The following CLYBL variants were observed in gnomAD, a reference collection of about 807,000 sequenced individuals.
CLYBL encodes the protein citramalyl-CoA lyase, mitochondrial.
CLYBL carries 31 observed loss-of-function variants against 38.9 expected under a neutral mutation model. The observed-to-expected ratio is 0.80, with a 90% CI of 0.60 to 1.08. The LOEUF (loss-of-function observed/expected upper bound fraction) is 1.08, where lower values mean the gene tolerates loss of function less well. CLYBL is among the 50% of genes least tolerant of loss of function. CLYBL has a pLI of 0.00. For synonymous variants in CLYBL, 171 were observed against 158.6 expected (o/e 1.08, Z -0.59); for missense variants, 434 against 411.6 (o/e 1.05, Z -0.47).
chr13:99,853,447 G>T (rs2051380088), intron 2 of CLYBL, among the ~76,000 whole-genome samples: 1 of 152,190 alleles, frequency 6.6e-6, no homozygotes. Context: ...GTAACGCTTT[G>T]TAAGATGAAT....
intron 1 of CLYBL, among the ~76,000 whole-genome samples, chr13:99,666,005 T>C (rs1040953516): frequency 6.6e-6 from 1 of 152,174 alleles, no homozygotes; most frequent in Non-Finnish European, 1.5e-5. Context: ...TTCCAAGATA[T>C]GTCTGGGGAG....
At chr13:99,871,177 G>A (rs1367850748) in intron 7 of CLYBL, 115 bp downstream of exon 7, 7 of 1,168,544 alleles carry the variant, frequency 6.0e-6, no homozygotes, top group Non-Finnish European at 8.8e-6. Flanking sequence ...TGGAGAGGGG[G>A]GAAAGGGAGG....
chr13:99,608,240 TTTTTGTATTTTTAATAGAGACGAGG>T (rs1175333736), intron 1 of CLYBL, among the ~76,000 whole-genome samples: 13 of 151,610 alleles, frequency 8.6e-5, no homozygotes, highest in Admixed American at 1.3e-4. Flanking sequence ...GCCCGGCTAA[TTTTTGTATTTTTAATAGAGACGAGG>T]TTTCACCATG....
chr13:99,773,122 GATT>G, intron 2 of CLYBL, 112 bp downstream of exon 2: 1 of 862,206 alleles, frequency 1.2e-6, no homozygotes, highest in Non-Finnish European at 1.8e-6. Flanking sequence ...ATCTTTTGCT[GATT>G]ATTAACAATT....
At chr13:99,705,294 A>C (rs1317920242) in intron 1 of CLYBL, among the ~76,000 whole-genome samples, 2 of 152,130 alleles carry the variant, frequency 1.3e-5, no homozygotes, top group Non-Finnish European at 2.9e-5. Flanking sequence ...GAAAGAATGA[A>C]ATTCTACCAG....
chr13:99,877,218 T>C (rs2052066231), intron 7 of CLYBL, among the ~76,000 whole-genome samples: 1 of 152,210 alleles, frequency 6.6e-6, no homozygotes, highest in African/African-American at 2.4e-5. Flanking sequence ...CAGTTACACC[T>C]GTGACCACAC....
chr13:99,795,443 C>T (rs1022172087), intron 2 of CLYBL, among the ~76,000 whole-genome samples: 1 of 151,946 alleles, frequency 6.6e-6, no homozygotes, highest in African/African-American at 2.4e-5. Context: ...CACTTGAGGC[C>T]AGGAGTTCAA....
chr13:99,809,281 G>T (rs1190355298), intron 2 of CLYBL, among the ~76,000 whole-genome samples: 1 of 152,102 alleles, frequency 6.6e-6, no homozygotes, highest in Non-Finnish European at 1.5e-5. Flanking sequence ...TACACAAGGG[G>T]TGTTCAGTCC....
At chr13:99,616,169 A>G (rs1212337698) in intron 1 of CLYBL, among the ~76,000 whole-genome samples, 9 of 104,132 alleles carry the variant, frequency 8.6e-5, no homozygotes, top group African/African-American at 2.6e-4. Flanking sequence ...TTTTTTTTTA[A>G]GACTGGTGAA....
At chr13:99,853,021 T>C (rs2051368640) in intron 2 of CLYBL, among the ~76,000 whole-genome samples, 1 of 152,230 alleles carries the variant, frequency 6.6e-6, no homozygotes, top group Non-Finnish European at 1.5e-5. Flanking sequence ...TTTGTGTTTT[T>C]GAGGTGAAAT....
intron 1 of CLYBL, among the ~76,000 whole-genome samples, chr13:99,732,334 C>A (rs538085758): frequency 1.3e-5 from 2 of 152,168 alleles, no homozygotes; most frequent in African/African-American, 4.8e-5. Flanking sequence ...GCTGGGACCA[C>A]AGGCACATCC....
intron 1 of CLYBL, among the ~76,000 whole-genome samples, chr13:99,678,088 T>C (rs141828600): frequency 6.6e-6 from 1 of 152,374 alleles, no homozygotes; most frequent in Non-Finnish European, 1.5e-5. Flanking sequence ...GAAATAGCCA[T>C]GCCAGCCTTA....
chr13:99,615,772 C>T (rs770199917), intron 1 of CLYBL, among the ~76,000 whole-genome samples: 29 of 152,102 alleles, frequency 1.9e-4, no homozygotes, highest in Non-Finnish European at 3.7e-4. Context: ...CTTCCTTTCT[C>T]ACCCCATCCT....
chr13:99,870,838 T>C (rs766451687), intron 6 of CLYBL, 100 bp from the exon 7 acceptor site: 122 of 1,199,696 alleles, frequency 1.0e-4, no homozygotes, highest in Non-Finnish European at 1.4e-4. Context: ...TTATTTAACA[T>C]ACAGTCTATG....
intron 2 of CLYBL, among the ~76,000 whole-genome samples, chr13:99,785,956 A>G (rs1252839275): frequency 6.6e-6 from 1 of 151,636 alleles, no homozygotes; most frequent in Non-Finnish European, 1.5e-5. Flanking sequence ...ACTCCTCACT[A>G]TGGAGAATGA....
chr13:99,611,741 T>TG (rs373789529), intron 1 of CLYBL, among the ~76,000 whole-genome samples: 1,561 of 152,354 alleles, frequency 0.01, 23 homozygotes, highest in African/African-American at 0.033. Context: ...GTTTTCTTTG[T>TG]GGAAAAAGTG....
chr13:99,741,666 G>A (rs4424774), intron 1 of CLYBL, among the ~76,000 whole-genome samples: 27,294 of 152,168 alleles, frequency 0.18, 2,627 homozygotes, highest in Admixed American at 0.23. Flanking sequence ...TAGTAGAGAC[G>A]GGGTTTTGCC....
chr13:99,898,231 A>T (rs2052604943), downstream of CLYBL, among the ~76,000 whole-genome samples: 1 of 152,214 alleles, frequency 6.6e-6, no homozygotes, highest in Non-Finnish European at 1.5e-5. Flanking sequence ...CACAGAATCA[A>T]ATTTCCTTCA....
chr13:99,858,893 T>C lies in CLYBL; in HGVS notation c.282T>C (p.Leu94=), dbSNP rs1467971078. 1 of 1,610,530 alleles carries C rather than the reference T, an allele frequency of 6.2e-7. No individual in the cohort carries two copies. The highest frequency in any genetic ancestry group is 8.5e-7 in the Non-Finnish European group (1 of 1,179,136). ...CTCGACTGAGAATTGTAAAAACTCT[T>C]GAAGACATTGATCTGGGCCCTACTG... is the stretch of plus-strand genomic sequence containing the variant. The part of the protein sequence containing the change: ...NEARLRIVKT[L]EDIDLGPTEK... Residue 94 remains leucine, a synonymous_variant, in exon 3 of 9, where the codon CTT becomes CTC. Transcript: ENST00000339105.
Sources: allele counts gnomAD v4.1 joint callset (sites outside exome capture counted in the v4.1 genomes callset), GRCh38; gene constraint gnomAD v4.1.1; transcripts MANE v1.5; gene names NCBI Gene and HGNC (gene_info 2026-07-23, HGNC 2026-07-21).